Variants in ABHD12 observed in about 807,000 individuals in gnomAD.
ABHD12 encodes the protein lysophosphatidylserine lipase ABHD12.
A neutral mutation model predicts 58.3 loss-of-function variants in ABHD12; 43 were observed. The observed-to-expected ratio is 0.74, with a 90% CI of 0.58 to 0.95. ABHD12 has a LOEUF of 0.95. Ranked by LOEUF, ABHD12 falls within the 40% of genes least tolerant of loss-of-function variation. ABHD12 has a pLI of 0.00. For synonymous variants in ABHD12, 219 were observed against 211.2 expected (o/e 1.04, Z -0.32); for missense variants, 539 against 537.2 (o/e 1.00, Z -0.03).
chr20:25,353,470 A>C (rs2089628723), intron 1 of ABHD12, among the ~76,000 whole-genome samples: 1 of 152,174 alleles, frequency 6.6e-6, no homozygotes. Context: ...CTCTCAAAAC[A>C]TGTGTTTGGG....
At chr20:25,305,306 A>AT (rs1031147544) in intron 10 of ABHD12, among the ~76,000 whole-genome samples, 7 of 150,770 alleles carry the variant, frequency 4.6e-5, no homozygotes, top group Non-Finnish European at 8.8e-5. Context: ...AAAATACTCC[A>AT]TTTTTTTTCA....
At position 25,369,928 on chromosome 20, in the gene ABHD12, A is replaced by T. The variant is rs1056597080; in HGVS notation, c.191+20585T>A. 5.9e-4 allele frequency among the ~76,000 whole-genome samples: 3 copies of T among 5,068 alleles called. No homozygotes were observed. In the East Asian group the frequency reaches 0.028, roughly 48 times the overall value. The allele number at this position is 5,068 out of a possible 152,430, so 3.3% of individuals were successfully genotyped here. A position where few individuals can be genotyped will look rare whatever the true frequency, so the allele number is the denominator to read the frequency against. On this transcript the variant is annotated intron_variant, in intron 1 of 12. Transcript: ENST00000339157. ...GACCCTGTTTCTCTGTCTCTGTTAT[A>T]AAAAAAAAAAAAAAAAAAAAAGCCC...
At chr20:25,297,447 G>GTACACA (rs2088566054), downstream of ABHD12, 1 of 152,470 alleles carries the variant, frequency 6.6e-6, no homozygotes, top group Non-Finnish European at 1.5e-5. Context: ...GTCCTGAGGT[G>GTACACA]CATTTCCTGT....
intron 1 of ABHD12, among the ~76,000 whole-genome samples, chr20:25,373,707 G>A (rs1181970435): frequency 6.6e-6 from 1 of 150,860 alleles, no homozygotes; most frequent in Non-Finnish European, 1.5e-5. Flanking sequence ...CACTGATTTT[G>A]AGCAATTTGA....
intron 6 of ABHD12, among the ~76,000 whole-genome samples, chr20:25,311,928 G>A (rs997940326): frequency 4.0e-5 from 6 of 151,762 alleles, no homozygotes; most frequent in South Asian, 4.2e-4. Flanking sequence ...GGCTTATCTC[G>A]AACTCCTGGT....
At chr20:25,315,179 G>A (rs974724983) in intron 5 of ABHD12, among the ~76,000 whole-genome samples, 1 of 152,184 alleles carries the variant, frequency 6.6e-6, no homozygotes, top group African/African-American at 2.4e-5. Flanking sequence ...TGACATCCCT[G>A]CCTGGGAGCG....
intron 3 of ABHD12, among the ~76,000 whole-genome samples, chr20:25,322,381 A>AT (rs199757666): frequency 8.4e-5 from 5 of 59,266 alleles, no homozygotes; most frequent in African/African-American, 4.1e-4. Context: ...ATATATATAT[A>AT]TTTTTTTTTT....
chr20:25,307,518 T>C (rs917464103), intron 9 of ABHD12, among the ~76,000 whole-genome samples: 4 of 152,198 alleles, frequency 2.6e-5, no homozygotes, highest in Non-Finnish European at 5.9e-5. Flanking sequence ...ACAGGTTGGG[T>C]GGGGCCTGGC....
chr20:25,302,414 G>A (rs530146493), intron 11 of ABHD12, 68 bp from the exon 12 acceptor site: 32 of 1,596,850 alleles, frequency 2.0e-5, no homozygotes, highest in Non-Finnish European at 2.3e-5. Context: ...AGGAACACCA[G>A]CTTGGCAGCC....
chr20:25,332,397 C>T (rs1182561463), intron 2 of ABHD12, among the ~76,000 whole-genome samples: 9 of 152,068 alleles, frequency 5.9e-5, no homozygotes, highest in Middle Eastern at 6.8e-3. Context: ...GACAGATCAA[C>T]GAGACAGAAA....
chr20:25,365,849 G>A (rs1291629218), intron 1 of ABHD12, among the ~76,000 whole-genome samples: 1 of 152,118 alleles, frequency 6.6e-6, no homozygotes, highest in Admixed American at 6.6e-5. Context: ...AGGAGTTCAA[G>A]ACCAGCCTGG....
chr20:25,345,243 A>G (rs1409482160), intron 1 of ABHD12, among the ~76,000 whole-genome samples: 1 of 152,030 alleles, frequency 6.6e-6, no homozygotes, highest in East Asian at 1.9e-4. Flanking sequence ...GCGCCACCAC[A>G]TCCAGCTGAT....
chr20:25,299,275 T>C (rs548085465), downstream of ABHD12, among the ~76,000 whole-genome samples: 12 of 152,226 alleles, frequency 7.9e-5, no homozygotes, highest in East Asian at 1.2e-3. Flanking sequence ...CACGTGCCTG[T>C]AGTCCCACCT....
intron 1 of ABHD12, among the ~76,000 whole-genome samples, chr20:25,348,387 T>C (rs1192344043): frequency 1.4e-5 from 2 of 144,240 alleles, no homozygotes; most frequent in East Asian, 4.1e-4. Context: ...TAATAAAGAA[T>C]ACTATGTACT....
intron 1 of ABHD12, among the ~76,000 whole-genome samples, chr20:25,343,638 T>C (rs1175313841): frequency 6.6e-6 from 1 of 152,168 alleles, no homozygotes; most frequent in Non-Finnish European, 1.5e-5. Context: ...ATCCTGTCTC[T>C]ACTGAAAATA....
chr20:25,320,174 A>G (rs963718574), intron 4 of ABHD12, 25 bp downstream of exon 4: 1 of 1,613,304 alleles, frequency 6.2e-7, no homozygotes, highest in South Asian at 1.1e-5. Flanking sequence ...CTCCACAGCA[A>G]AGATGATGGG....
At chr20:25,378,793 C>T (rs1271803646) in intron 1 of ABHD12, among the ~76,000 whole-genome samples, 1 of 151,708 alleles carries the variant, frequency 6.6e-6, no homozygotes, top group Non-Finnish European at 1.5e-5. Context: ...TGCGTGTATT[C>T]CCTCACTGAC....
intron 12 of ABHD12, chr20:25,295,107 A>G: frequency 7.0e-7 from 1 of 1,423,928 alleles, no homozygotes; most frequent in South Asian, 1.1e-5. Flanking sequence ...TAGTGAACAG[A>G]AATGCATTTG....
chr20:25,334,138 A>G (rs1156951815), intron 2 of ABHD12, among the ~76,000 whole-genome samples: 1 of 151,358 alleles, frequency 6.6e-6, no homozygotes, highest in Non-Finnish European at 1.5e-5. Context: ...ATGTACAAAA[A>G]TCACAAGCAT....
Sources: gnomAD v4.1 joint callset for allele counts (sites outside exome capture counted in the v4.1 genomes callset) on GRCh38, gnomAD v4.1.1 for gene constraint, MANE v1.5 for transcripts, NCBI Gene and HGNC (gene_info 2026-07-23, HGNC 2026-07-21) for gene names.